NRG3: variants seen among roughly 807,000 people sequenced by gnomAD.
NRG3 encodes pro-neuregulin-3, membrane-bound isoform.
NRG3 carries 31 observed loss-of-function variants against 66.9 expected under a neutral mutation model. The observed-to-expected ratio is 0.46, with a 90% CI of 0.35 to 0.63. The LOEUF (loss-of-function observed/expected upper bound fraction) is 0.63. Among genes scored for constraint, NRG3 ranks in the 20% least tolerant of loss-of-function variants. NRG3 has a pLI of 0.00. For missense variants in NRG3, 910 were observed against 878.9 expected (o/e 1.04, Z -0.45); for synonymous variants, 393 against 359.4 (o/e 1.09, Z -1.06).
At chr10:82,438,214 G>A (rs1179313715) in intron 2 of NRG3, among the ~76,000 whole-genome samples, 1 of 152,226 alleles carries the variant, frequency 6.6e-6, no homozygotes, top group East Asian at 1.9e-4. Context: ...TCAGGCCCAG[G>A]GAGATCCAAA....
intron 1 of NRG3, among the ~76,000 whole-genome samples, chr10:82,016,395 G>A (rs774522075): frequency 6.6e-6 from 1 of 152,042 alleles, no homozygotes; most frequent in Non-Finnish European, 1.5e-5. Flanking sequence ...TCTGCCACCA[G>A]AAGCATGAAG....
chr10:82,345,855 G>T (rs969177000), intron 1 of NRG3, among the ~76,000 whole-genome samples: 1 of 150,962 alleles, frequency 6.6e-6, no homozygotes, highest in South Asian at 2.1e-4. Flanking sequence ...TCATGATTTG[G>T]CTCTCTGTTT....
At chr10:82,685,113 A>G (rs1475853011) in intron 2 of NRG3, among the ~76,000 whole-genome samples, 1 of 151,300 alleles carries the variant, frequency 6.6e-6, no homozygotes, top group Non-Finnish European at 1.5e-5. Context: ...AAGCAAGACT[A>G]TGTAGATGGC....
chr10:82,028,510 G>A (rs77859527), intron 1 of NRG3, among the ~76,000 whole-genome samples: 2,675 of 152,126 alleles, frequency 0.018, 84 homozygotes, highest in African/African-American at 0.061. Flanking sequence ...CACATATGAG[G>A]TACTTAGTAG....
At chr10:82,785,763 A>G (rs2060333879) in intron 3 of NRG3, among the ~76,000 whole-genome samples, 1 of 152,182 alleles carries the variant, frequency 6.6e-6, no homozygotes, top group South Asian at 2.1e-4. Context: ...GGAATTTGTA[A>G]TTAAAAAGGA....
At chr10:82,606,337 T>C (rs190374267) in intron 2 of NRG3, among the ~76,000 whole-genome samples, 251 of 152,322 alleles carry the variant, frequency 1.6e-3, no homozygotes, top group Non-Finnish European at 5.3e-4. Flanking sequence ...TTTCCAGTTA[T>C]CTTTACTGAT....
intron 2 of NRG3, among the ~76,000 whole-genome samples, chr10:82,579,508 C>T (rs1271338716): frequency 4.6e-5 from 7 of 151,908 alleles, no homozygotes; most frequent in Admixed American, 4.6e-4. Flanking sequence ...TTCACAATTC[C>T]ATTCGTATGT....
intron 2 of NRG3, among the ~76,000 whole-genome samples, chr10:82,653,985 G>T (rs1196556058): frequency 6.6e-6 from 1 of 152,186 alleles, no homozygotes; most frequent in Non-Finnish European, 1.5e-5. Context: ...ACGAGACTCT[G>T]TGGCAGCCAA....
chr10:82,829,328 T>C (rs187139450), intron 3 of NRG3, among the ~76,000 whole-genome samples: 14 of 151,508 alleles, frequency 9.2e-5, no homozygotes, highest in East Asian at 1.9e-4. Flanking sequence ...TAAAGAATAA[T>C]TGAACTCCTT....
chr10:82,290,342 CA>C (rs2079653480), intron 1 of NRG3, among the ~76,000 whole-genome samples: 1 of 152,184 alleles, frequency 6.6e-6, no homozygotes, highest in African/African-American at 2.4e-5. Flanking sequence ...GCATTATAAA[CA>C]TGAAGTTTTC....
intron 4 of NRG3, among the ~76,000 whole-genome samples, chr10:82,929,907 T>C (rs891470255): frequency 1.4e-5 from 2 of 145,068 alleles, no homozygotes; most frequent in Non-Finnish European, 3.0e-5. Context: ...AGAAAAAAAA[T>C]GAATCTTTAT....
At chr10:81,960,068 C>T (rs2133266017) in intron 1 of NRG3, among the ~76,000 whole-genome samples, 1 of 152,110 alleles carries the variant, frequency 6.6e-6, no homozygotes, top group Middle Eastern at 3.4e-3. Flanking sequence ...CTATATTACC[C>T]TCTGTTAATT....
At chr10:82,046,995 A>G (rs989582808) in intron 1 of NRG3, among the ~76,000 whole-genome samples, 2 of 135,462 alleles carry the variant, frequency 1.5e-5, no homozygotes, top group African/African-American at 5.0e-5. Context: ...GGATTTTTGC[A>G]TCAATGTTCA....
At chr10:82,465,975 CT>C (rs764977311) in intron 2 of NRG3, among the ~76,000 whole-genome samples, 80 of 152,278 alleles carry the variant, frequency 5.3e-4, no homozygotes, top group Middle Eastern at 6.8e-3. Context: ...CCTGATGTCT[CT>C]ATCAGGATGT....
chr10:82,485,436 A>T (rs1842606803), intron 2 of NRG3, among the ~76,000 whole-genome samples: 1 of 150,114 alleles, frequency 6.7e-6, no homozygotes, highest in Non-Finnish European at 1.5e-5. Flanking sequence ...GTGAATATTA[A>T]TTTGACTAAT....
chr10:82,623,932 C>T (rs2049225007), intron 2 of NRG3, among the ~76,000 whole-genome samples: 1 of 152,078 alleles, frequency 6.6e-6, no homozygotes, highest in South Asian at 2.1e-4. Context: ...CAGAATGCTT[C>T]CTGTTGCCAG....
At chr10:82,443,928 A>G (rs1228620732) in intron 2 of NRG3, among the ~76,000 whole-genome samples, 1 of 152,248 alleles carries the variant, frequency 6.6e-6, no homozygotes, top group Non-Finnish European at 1.5e-5. Flanking sequence ...GATAATAGGG[A>G]ACACAGCCGT....
intron 3 of NRG3, among the ~76,000 whole-genome samples, chr10:82,739,068 T>G (rs2134749703): frequency 6.6e-6 from 1 of 152,364 alleles, no homozygotes; most frequent in Middle Eastern, 3.4e-3. Flanking sequence ...AAACCATACC[T>G]TACTAAAGTA....
chr10:82,738,844 A>C (rs2134747032), intron 3 of NRG3, among the ~76,000 whole-genome samples, 194 bp downstream of exon 3: 1 of 152,328 alleles, frequency 6.6e-6, no homozygotes, highest in South Asian at 2.1e-4. Context: ...TCTGACGATG[A>C]GGCCTGGCTT....
Sources: gnomAD v4.1 joint callset for allele counts (sites outside exome capture counted in the v4.1 genomes callset) on GRCh38, gnomAD v4.1.1 for gene constraint, MANE v1.5 for transcripts, NCBI Gene and HGNC (gene_info 2026-07-23, HGNC 2026-07-21) for gene names.